The following KPNA3 variants were observed in gnomAD, a reference collection of about 807,000 sequenced individuals.
The protein encoded by KPNA3 is importin subunit alpha-4.
In KPNA3, 13 loss-of-function variants were observed where a neutral mutation model predicts 73.8. The ratio of observed to expected loss-of-function variants is 0.18; its 90% CI spans 0.11 to 0.28. KPNA3 has a LOEUF of 0.28. Among genes scored for constraint, KPNA3 ranks in the 10% least tolerant of loss-of-function variants. The pLI is 1.00. For missense variants in KPNA3, 360 were observed against 618.1 expected, an observed-to-expected ratio of 0.58 and a Z score of 4.43; for synonymous variants, 186 against 206.9, an observed-to-expected ratio of 0.90 and a Z score of 0.87.
Position 49,700,760 on chromosome 13 carries a change from T to C in KPNA3, c.*1040A>G, listed in dbSNP as rs1423736817. ...TTTTAAGACTAAATTACAGTAAACA[T>C]GAAAGCTCCACAGTTTAAACCCAAT... On this transcript the variant is annotated 3_prime_UTR_variant, in exon 17 of 17. Coordinates refer to ENST00000261667, the MANE Select transcript of KPNA3 (RefSeq NM_002267.4). 2 of 152,650 alleles carry C rather than the reference T, an allele frequency of 1.3e-5. No individual in the cohort carries two copies. The highest frequency in any genetic ancestry group is 3.9e-4 in the East Asian group (2 of 5,192). 9.5% of individuals were successfully genotyped at this position (152,650 alleles called of 1,614,324 possible).
chr13:49,785,089 G>A (rs1954971238), intron 1 of KPNA3, among the ~76,000 whole-genome samples: 1 of 152,076 alleles, frequency 6.6e-6, no homozygotes. Context: ...AGGGGCAGGC[G>A]GGATTCCAGA....
chr13:49,784,659 A>T (rs1448310949), intron 1 of KPNA3, among the ~76,000 whole-genome samples: 1 of 152,196 alleles, frequency 6.6e-6, no homozygotes, highest in Non-Finnish European at 1.5e-5. Flanking sequence ...TACCTGTCAT[A>T]ATAAAAAGCT....
chr13:49,773,712 A>T (rs1387160423), intron 1 of KPNA3, among the ~76,000 whole-genome samples: 1 of 152,228 alleles, frequency 6.6e-6, no homozygotes, highest in Non-Finnish European at 1.5e-5. Context: ...AAATGACTTT[A>T]CAGTAGTTAT....
chr13:49,732,221 A>G, intron 6 of KPNA3, 150 bp downstream of exon 6: 1 of 433,096 alleles, frequency 2.3e-6, no homozygotes. Context: ...TCTGCTAAAT[A>G]TGATCACAGA....
At chr13:49,777,230 T>C (rs1210825010) in intron 1 of KPNA3, among the ~76,000 whole-genome samples, 1 of 152,194 alleles carries the variant, frequency 6.6e-6, no homozygotes, top group Non-Finnish European at 1.5e-5. Flanking sequence ...ATAACAACAG[T>C]ATCTGTCTTA....
At chr13:49,753,024 C>A (rs1954678165) in intron 1 of KPNA3, among the ~76,000 whole-genome samples, 1 of 34,976 alleles carries the variant, frequency 2.9e-5, no homozygotes, top group Non-Finnish European at 5.2e-5. Context: ...GAGACTCTGT[C>A]TCAAAAAAAA....
At chr13:49,747,671 G>A (rs1248047391) in intron 1 of KPNA3, among the ~76,000 whole-genome samples, 1 of 152,206 alleles carries the variant, frequency 6.6e-6, no homozygotes, top group African/African-American at 2.4e-5. Flanking sequence ...GAGTGACAGA[G>A]CGAGACTCTG....
At chr13:49,747,483 G>A (rs185913247) in intron 1 of KPNA3, among the ~76,000 whole-genome samples, 151 of 152,028 alleles carry the variant, frequency 9.9e-4, no homozygotes, top group Non-Finnish European at 1.6e-3. Flanking sequence ...CCAGGAGTTC[G>A]AGATCAGCCT....
chr13:49,728,695 G>A (rs1954434147), intron 6 of KPNA3, among the ~76,000 whole-genome samples: 1 of 152,168 alleles, frequency 6.6e-6, no homozygotes, highest in Non-Finnish European at 1.5e-5. Context: ...TATTCTTGTT[G>A]ACCTTCTAGA....
rs79565814 is a variant in KPNA3, at chr13:49,780,581, C to T, written c.69+11857G>A. 5.0e-3 allele frequency among the ~76,000 whole-genome samples: 763 copies of T among 152,214 alleles called. 4 individuals carry two copies. Among genetic ancestry groups the T allele is most frequent in the Non-Finnish European group, 8.2e-3 (558 of 68,012 alleles). ...CACCAATCCATCCCCTATGGTATAACCAAAGCAATGCTTCTAAATGCACAA... is the reference window on the plus strand; with the variant it reads ...CACCAATCCATCCCCTATGGTATAATCAAAGCAATGCTTCTAAATGCACAA... On this transcript the variant is annotated intron_variant, in intron 1 of 16. Coordinates refer to ENST00000261667, the MANE Select transcript of KPNA3 (RefSeq NM_002267.4).
chr13:49,714,132 ATAGAATGCACAACAGCAAGAG>A (rs1212683464), intron 10 of KPNA3, among the ~76,000 whole-genome samples: 3 of 152,272 alleles, frequency 2.0e-5, no homozygotes, highest in African/African-American at 7.2e-5. Context: ...GTCTGAACCC[ATAGAATGCACAACAGCAAGAG>A]TGAGTGAACA....
chr13:49,733,398 C>T (rs1212212559), intron 2 of KPNA3, among the ~76,000 whole-genome samples: 4 of 148,760 alleles, frequency 2.7e-5, no homozygotes, highest in African/African-American at 9.9e-5. Flanking sequence ...AGGTGATTCT[C>T]GTGCCTCAAA....
rs1256520535 is a variant in KPNA3, at chr13:49,700,100, A to C, written c.*1700T>G. ...AAAACAGATTCTCTAGCAAGTAAAA[A>C]TCTTGCAGTTTAAACATACGCTTGT... is the stretch of plus-strand genomic sequence containing the variant. On this transcript the variant is annotated 3_prime_UTR_variant, in exon 17 of 17. Transcript: ENST00000261667. The C allele has an allele frequency of 6.6e-6, 1 of 152,660 alleles. No homozygotes were observed. The highest frequency in any genetic ancestry group is 1.5e-5 in the Non-Finnish European group (1 of 68,028). 9.5% of individuals were successfully genotyped at this position (152,660 alleles called of 1,614,324 possible).
intron 1 of KPNA3, among the ~76,000 whole-genome samples, chr13:49,768,610 A>G (rs1954828781): frequency 9.2e-6 from 1 of 108,478 alleles, no homozygotes; most frequent in Admixed American, 1.2e-4. Context: ...ATTCCATTAG[A>G]TATTCCTCTC....
rs975340856 is a variant in KPNA3 at position 49,753,105 on chromosome 13, A to G, written c.70-6112T>C. ...AAAGGCACTTAGATTTTAAATTCAT[A>G]TAATAAAGACTCCTCAAATAAGAAA... On this transcript the variant is annotated intron_variant, in intron 1 of 16. Transcript: ENST00000261667. 5.3e-5 allele frequency among the ~76,000 whole-genome samples: 8 copies of G among 151,638 alleles called. No homozygotes were observed. The East Asian group carries it at 1.5e-3, about 29-fold the overall frequency.
At chr13:49,743,337 GA>G (rs1378422627) in intron 2 of KPNA3, among the ~76,000 whole-genome samples, 5 of 152,096 alleles carry the variant, frequency 3.3e-5, no homozygotes, top group African/African-American at 1.2e-4. Flanking sequence ...AAGAGTGGAA[GA>G]ATCTTCTCTT....
intron 10 of KPNA3, among the ~76,000 whole-genome samples, chr13:49,711,360 A>G (rs1429966853): frequency 6.6e-6 from 1 of 152,248 alleles, no homozygotes; most frequent in Non-Finnish European, 1.5e-5. Context: ...AATCCCACAG[A>G]AAAACACTAT....
intron 6 of KPNA3, among the ~76,000 whole-genome samples, chr13:49,728,212 GCGA>G (rs1954429255): frequency 6.7e-6 from 1 of 150,332 alleles, no homozygotes; most frequent in Non-Finnish European, 1.5e-5. Flanking sequence ...TCCAGCCTGG[GCGA>G]CAGAGCGAGA....
chr13:49,737,192 A>G (rs1398737729), intron 2 of KPNA3, among the ~76,000 whole-genome samples: 1 of 152,216 alleles, frequency 6.6e-6, no homozygotes, highest in Non-Finnish European at 1.5e-5. Context: ...TATGAATACA[A>G]ATCTTCCTTT....
Sources: gnomAD v4.1 joint callset for allele counts (sites outside exome capture counted in the v4.1 genomes callset) on GRCh38, gnomAD v4.1.1 for gene constraint, MANE v1.5 for transcripts, NCBI Gene and HGNC (gene_info 2026-07-23, HGNC 2026-07-21) for gene names.